Variants in LMBRD1 observed in about 807,000 individuals in gnomAD.
The protein encoded by LMBRD1 is lysosomal cobalamin transport escort protein LMBD1.
In LMBRD1, 64 loss-of-function variants were observed where a neutral mutation model predicts 74.8. The observed-to-expected ratio is 0.86, with a 90% CI of 0.70 to 1.05. LMBRD1 has a LOEUF of 1.05. LMBRD1 is among the 50% of genes least tolerant of loss of function. The pLI, the probability that LMBRD1 is intolerant of heterozygous loss-of-function variation, is 0.00. For synonymous variants in LMBRD1, 204 were observed against 216.3 expected, an observed-to-expected ratio of 0.94 and a Z score of 0.50; for missense variants, 652 against 645.9, an observed-to-expected ratio of 1.01 and a Z score of -0.10.
At chr6:69,775,885 A>C (rs1765688033) in intron 3 of LMBRD1, among the ~76,000 whole-genome samples, 1 of 152,244 alleles carries the variant, frequency 6.6e-6, no homozygotes, top group Non-Finnish European at 1.5e-5. Flanking sequence ...TTTCTCAAAA[A>C]TGAACAGTGA....
intron 3 of LMBRD1, among the ~76,000 whole-genome samples, chr6:69,779,474 G>A (rs1765779335): frequency 6.6e-6 from 1 of 152,158 alleles, no homozygotes; most frequent in Non-Finnish European, 1.5e-5. Context: ...AGGGAAGGAG[G>A]AGGAGCCAAG....
At chr6:69,679,554 TATTA>T (rs1001138580) in intron 14 of LMBRD1, among the ~76,000 whole-genome samples, 5 of 152,142 alleles carry the variant, frequency 3.3e-5, no homozygotes, top group African/African-American at 9.7e-5. Flanking sequence ...TTTAAATTTA[TATTA>T]ATTAAATAGC....
intron 14 of LMBRD1, among the ~76,000 whole-genome samples, chr6:69,685,725 C>T (rs1266165567): frequency 1.3e-5 from 2 of 152,036 alleles, no homozygotes; most frequent in Admixed American, 6.6e-5. Flanking sequence ...TGTTGGAACC[C>T]GGGAGGCAGA....
rs1380343985 is a variant in LMBRD1 at position 69,700,797 on chromosome 6, G to A, written c.1156C>T (p.Arg386Ter). The change falls in exon 12 of 16, where the codon CGA (arginine) becomes TGA (stop). Residue 386 changes from arginine (R) to a stop codon, truncating the protein, a stop_gained. Transcript: ENST00000649934. LOFTEE classifies it high-confidence loss of function. ...CAAAAGAACCATATGCCAATATTTC[G>A]AATTCCTGCCATTGAAGTAAAAATA... ...YFIFTSMAGI[R>*]NIGIWFFWIR... 4.6e-6 allele frequency: 7 copies of A among 1,507,944 alleles called. No individual in the cohort carries two copies. Among genetic ancestry groups the A allele is most frequent in the African/African-American group, 1.4e-5 (1 of 70,698 alleles). 93.4% of individuals were successfully genotyped at this position (1,507,944 alleles called of 1,614,324 possible). A position where few individuals can be genotyped will look rare whatever the true frequency, so the allele number is the denominator to read the frequency against.
At chr6:69,703,493 T>G (rs1052775785) in intron 9 of LMBRD1, among the ~76,000 whole-genome samples, 2 of 150,734 alleles carry the variant, frequency 1.3e-5, no homozygotes, top group Non-Finnish European at 3.0e-5. Flanking sequence ...AAAAAAACCC[T>G]CTTAGCTATC....
intron 3 of LMBRD1, among the ~76,000 whole-genome samples, chr6:69,753,615 T>C (rs1459770487): frequency 6.6e-6 from 1 of 152,166 alleles, no homozygotes; most frequent in Non-Finnish European, 1.5e-5. Flanking sequence ...AAACAGACTC[T>C]CGAAGAGTTA....
intron 3 of LMBRD1, among the ~76,000 whole-genome samples, chr6:69,761,259 G>C (rs1284977793): frequency 1.3e-5 from 2 of 151,914 alleles, no homozygotes. Context: ...GGATATTTTT[G>C]GTTATTTCCC....
intron 3 of LMBRD1, among the ~76,000 whole-genome samples, chr6:69,779,185 C>CAAAAAAAAAAAAAAAAAAAA (rs11397050): frequency 3.0e-5 from 3 of 100,138 alleles, no homozygotes; most frequent in African/African-American, 1.3e-4. Flanking sequence ...GACTCAGTCT[C>CAAAAAAAAAAAAAAAAAAAA]AAAAAAAAAA....
intron 14 of LMBRD1, among the ~76,000 whole-genome samples, chr6:69,694,714 A>G (rs1765956633): frequency 1.3e-5 from 2 of 152,142 alleles, no homozygotes; most frequent in Non-Finnish European, 2.9e-5. Context: ...ATTCTCCTTC[A>G]GTTCTTCAAT....
intron 3 of LMBRD1, among the ~76,000 whole-genome samples, chr6:69,777,998 C>G (rs925243727): frequency 7.2e-5 from 11 of 152,202 alleles, no homozygotes; most frequent in African/African-American, 2.7e-4. Flanking sequence ...GCTACGGAAT[C>G]CTTTCAGGGT....
In LMBRD1 at chr6:69,774,991, G is replaced by GGAAGGAAGGAAGGAAGGA. The variant is rs1394719550; in HGVS notation, c.307+5502_307+5503insTCCTTCCTTCCTTCCTTC. On this transcript the variant is annotated intron_variant, in intron 3 of 15. Coordinates refer to ENST00000649934, the MANE Select transcript of LMBRD1 (RefSeq NM_018368.4). ...GAAGGAAGGAAGGAAGGAAGGAAGG[G>GGAAGGAAGGAAGGAAGGA]AGGGAGGGAGGGAGGGAGGGAGGGA... Among the ~76,000 whole-genome samples the GGAAGGAAGGAAGGAAGGA allele has an allele frequency of 2.5e-3, 108 of 42,644 alleles. 12 individuals carry two copies. The highest frequency in any genetic ancestry group is 3.4e-3 in the Non-Finnish European group (75 of 21,874). 28.0% of individuals were successfully genotyped at this position (42,644 alleles called of 152,430 possible).
chr6:69,698,120 T>C (rs1766046517), intron 13 of LMBRD1, among the ~76,000 whole-genome samples: 1 of 152,014 alleles, frequency 6.6e-6, no homozygotes, highest in Admixed American at 6.6e-5. Flanking sequence ...GGATGCTGTT[T>C]CCCAAACTCA....
chr6:69,737,852 A>C, intron 7 of LMBRD1, 90 bp downstream of exon 7: 2 of 897,714 alleles, frequency 2.2e-6, no homozygotes, highest in Non-Finnish European at 3.5e-6. Flanking sequence ...AAATATTATA[A>C]AGGAAAACAG....
At chr6:69,741,907 G>C in intron 5 of LMBRD1, 30 bp from the exon 6 acceptor site, 1 of 1,215,934 alleles carries the variant, frequency 8.2e-7, no homozygotes, top group South Asian at 1.3e-5. Context: ...TGTTTTAATA[G>C]CTTTAAAGAT....
intron 3 of LMBRD1, among the ~76,000 whole-genome samples, chr6:69,753,933 C>T (rs569125446): frequency 3.0e-4 from 45 of 148,128 alleles, no homozygotes; most frequent in African/African-American, 7.6e-4. Flanking sequence ...AGAGAGACTC[C>T]GTCTCAAAAA....
In LMBRD1 at chr6:69,699,083, G is replaced by A; in HGVS notation, c.1298C>T (p.Pro433Leu). ...HTSYMIYSLA[P>L]QYVMYGSQNY... is the part of the protein sequence containing the mutation. ...TTGGCTTCCATACATAACATATTGG[G>A]GAGCAAGACTATAAATCATGTAGCT... The change falls in exon 13 of 16, where the codon CCC becomes CTC. Residue 433 changes from proline to leucine, a missense_variant. Coordinates refer to ENST00000649934, the MANE Select transcript of LMBRD1 (RefSeq NM_018368.4). The A allele has an allele frequency of 6.2e-7, 1 of 1,607,434 alleles. No individual in the cohort carries two copies. Among genetic ancestry groups the A allele is most frequent in the Non-Finnish European group, 8.5e-7 (1 of 1,174,644 alleles).
chr6:69,731,369 CCT>C (rs1435351605), intron 7 of LMBRD1, among the ~76,000 whole-genome samples: 3 of 151,928 alleles, frequency 2.0e-5, no homozygotes, highest in African/African-American at 7.2e-5. Flanking sequence ...TTCCAATTAC[CCT>C]GATTTGATCA....
chr6:69,699,329 C>A (rs1222090931), intron 12 of LMBRD1, 137 bp from the exon 13 acceptor site: 1 of 727,100 alleles, frequency 1.4e-6, no homozygotes, highest in Non-Finnish European at 2.3e-6. Context: ...ACTAAAAGTT[C>A]TTAATCATCC....
In LMBRD1 at chr6:69,769,199, T is replaced by C. The variant is rs537276242; in HGVS notation, c.307+11295A>G. 2.6e-5 allele frequency among the ~76,000 whole-genome samples: 4 copies of C among 152,302 alleles called. No individual in the cohort carries two copies. In the East Asian group the frequency reaches 7.7e-4, roughly 29 times the overall value. On this transcript the variant is annotated intron_variant, in intron 3 of 15. Transcript: ENST00000649934. The stretch of plus-strand genomic sequence containing the variant: ...CTCTGTGGCTCTACTGATTTCTCTT[T>C]AATCTTTCCTCTCTGATCTTCAGAT...
Sources: allele counts gnomAD v4.1 joint callset (sites outside exome capture counted in the v4.1 genomes callset), GRCh38; gene constraint gnomAD v4.1.1; transcripts MANE v1.5; gene names NCBI Gene and HGNC (gene_info 2026-07-23, HGNC 2026-07-21).